PDE4B: variants seen among roughly 807,000 people sequenced by gnomAD.
PDE4B encodes the protein 3',5'-cyclic-AMP phosphodiesterase 4B.
A neutral mutation model predicts 82.2 loss-of-function variants in PDE4B; 20 were observed. That is an observed-to-expected ratio of 0.24 (90% confidence interval 0.17 to 0.35). The LOEUF is 0.35. PDE4B is among the 10% of genes least tolerant of loss of function. PDE4B has a pLI of 1.00. For missense variants in PDE4B, 655 were observed against 907.2 expected, an observed-to-expected ratio of 0.72 and a Z score of 3.57; for synonymous variants, 320 against 318.9, an observed-to-expected ratio of 1.00 and a Z score of -0.04.
At chr1:66,346,488 G>A (rs1661404506) in intron 8 of PDE4B, among the ~76,000 whole-genome samples, 1 of 152,102 alleles carries the variant, frequency 6.6e-6, no homozygotes, top group South Asian at 2.1e-4. Context: ...TTTGAGTTAT[G>A]GTGCTTTTCA....
chr1:65,886,941 C>G (rs12065441), intron 1 of PDE4B, among the ~76,000 whole-genome samples: 73 of 152,222 alleles, frequency 4.8e-4, no homozygotes, highest in African/African-American at 1.7e-3. Context: ...GTTGAGAAAT[C>G]TTCATACTGT....
intron 7 of PDE4B, among the ~76,000 whole-genome samples, chr1:66,329,496 C>T (rs1659961543): frequency 6.6e-6 from 1 of 152,152 alleles, no homozygotes; most frequent in South Asian, 2.1e-4. Flanking sequence ...TTGTACTGGG[C>T]CTTTCAAATT....
intron 1 of PDE4B, among the ~76,000 whole-genome samples, chr1:65,894,466 G>T (rs1171566058): frequency 1.3e-5 from 2 of 152,002 alleles, no homozygotes; most frequent in African/African-American, 4.8e-5. Flanking sequence ...GAAATGATGG[G>T]TTGATCAAAG....
rs557215400 is a variant in PDE4B at position 66,143,884 on chromosome 1, T to C, written c.282-103576T>C. On this transcript the variant is annotated intron_variant, in intron 3 of 16. Coordinates refer to ENST00000341517, the MANE Select transcript of PDE4B (RefSeq NM_002600.4). ...CGATGGCAGATGTCTTGTGGGCAGATGTCTTGTGCTAAGGATCCTAGAGCA... is the reference window on the plus strand; with the variant it reads ...CGATGGCAGATGTCTTGTGGGCAGACGTCTTGTGCTAAGGATCCTAGAGCA... 4.6e-5 allele frequency among the ~76,000 whole-genome samples: 7 copies of C among 152,322 alleles called. No individual in the cohort carries two copies. In the South Asian group the frequency reaches 1.5e-3, roughly 32 times the overall value.
chr1:66,302,652 A>G (rs1657978412), intron 7 of PDE4B, among the ~76,000 whole-genome samples: 1 of 152,204 alleles, frequency 6.6e-6, no homozygotes, highest in South Asian at 2.1e-4. Flanking sequence ...TGATGTTCCG[A>G]AAGATAAAGT....
At chr1:66,219,347 A>G (rs146033676) in intron 3 of PDE4B, among the ~76,000 whole-genome samples, 2 of 152,252 alleles carry the variant, frequency 1.3e-5, no homozygotes, top group African/African-American at 4.8e-5. Context: ...TAGAAGTTTC[A>G]CAGAGGTTGA....
intron 3 of PDE4B, among the ~76,000 whole-genome samples, chr1:66,064,005 A>G (rs771602983): frequency 7.9e-5 from 12 of 151,974 alleles, no homozygotes; most frequent in African/African-American, 2.9e-4. Flanking sequence ...AGAATTAACA[A>G]TGAGTCAGTG....
chr1:65,866,490 G>A (rs1019257930), intron 1 of PDE4B, among the ~76,000 whole-genome samples: 1 of 152,166 alleles, frequency 6.6e-6, no homozygotes, highest in Non-Finnish European at 1.5e-5. Context: ...ATGATGATAA[G>A]TGGTTTTTGA....
At chr1:65,958,749 C>CACGT (rs1649389896) in intron 3 of PDE4B, among the ~76,000 whole-genome samples, 1 of 132,740 alleles carries the variant, frequency 7.5e-6, no homozygotes, top group Non-Finnish European at 1.7e-5. Context: ...CACACACACA[C>CACGT]GCGCGCGCGC....
intron 8 of PDE4B, among the ~76,000 whole-genome samples, chr1:66,352,068 G>T (rs775126549): frequency 3.7e-4 from 57 of 152,100 alleles, no homozygotes; most frequent in Non-Finnish European, 7.8e-4. Context: ...GCTTTTTGAT[G>T]AGAGCAATGA....
At chr1:66,177,548 T>C (rs1646957303) in intron 3 of PDE4B, among the ~76,000 whole-genome samples, 1 of 152,230 alleles carries the variant, frequency 6.6e-6, no homozygotes, top group Non-Finnish European at 1.5e-5. Flanking sequence ...AGATTTTATT[T>C]GAAAACTAAT....
intron 3 of PDE4B, among the ~76,000 whole-genome samples, chr1:66,198,853 A>T (rs1416173233): frequency 6.6e-6 from 1 of 151,402 alleles, no homozygotes; most frequent in Non-Finnish European, 1.5e-5. Flanking sequence ...GAGTGAGAAC[A>T]TGCGGTGTTT....
At chr1:66,023,444 A>C (rs1653255859) in intron 3 of PDE4B, among the ~76,000 whole-genome samples, 1 of 152,108 alleles carries the variant, frequency 6.6e-6, no homozygotes, top group Non-Finnish European at 1.5e-5. Flanking sequence ...GCCAAGAACA[A>C]GGTAGCATAT....
chr1:66,329,911 T>G (rs1659990382), intron 7 of PDE4B, among the ~76,000 whole-genome samples: 2 of 152,184 alleles, frequency 1.3e-5, no homozygotes, highest in Admixed American at 6.5e-5. Context: ...GCTTAGGCAA[T>G]TTGGTTTCCA....
intron 3 of PDE4B, among the ~76,000 whole-genome samples, chr1:66,232,562 A>G (rs1652042379): frequency 6.6e-6 from 1 of 152,226 alleles, no homozygotes; most frequent in Non-Finnish European, 1.5e-5. Flanking sequence ...AAAAGAAAAG[A>G]GCGTAAAGCT....
At chr1:65,885,187 T>C (rs12724518) in intron 1 of PDE4B, among the ~76,000 whole-genome samples, 25,884 of 151,820 alleles carry the variant, frequency 0.17, 2,797 homozygotes, top group South Asian at 0.38. Context: ...GTTAGAATGG[T>C]GATCATTAAA....
intron 3 of PDE4B, among the ~76,000 whole-genome samples, chr1:66,021,986 G>C (rs995325141): frequency 4.6e-5 from 7 of 152,062 alleles, no homozygotes; most frequent in South Asian, 2.1e-4. Context: ...CTTTTATTTT[G>C]TTGAGCAGTG....
At chr1:66,313,455 G>A (rs1045395872) in intron 7 of PDE4B, among the ~76,000 whole-genome samples, 5 of 152,074 alleles carry the variant, frequency 3.3e-5, no homozygotes, top group Admixed American at 6.6e-5. Flanking sequence ...TTTTCTTGAA[G>A]ATTCACTTCC....
At chr1:66,182,990 T>C (rs1647102647) in intron 3 of PDE4B, among the ~76,000 whole-genome samples, 1 of 152,224 alleles carries the variant, frequency 6.6e-6, no homozygotes, top group African/African-American at 2.4e-5. Flanking sequence ...GCCACATTTG[T>C]CCAAAGTTCT....
Sources: allele counts gnomAD v4.1 joint callset (sites outside exome capture counted in the v4.1 genomes callset), GRCh38; gene constraint gnomAD v4.1.1; transcripts MANE v1.5; gene names NCBI Gene and HGNC (gene_info 2026-07-23, HGNC 2026-07-21).